RFWD3: variants seen among roughly 807,000 people sequenced by gnomAD.
The protein encoded by RFWD3 is ring finger and WD repeat domain 3.
Under a neutral mutation model 87.7 loss-of-function variants are expected in RFWD3, and 65 were observed. The observed-to-expected ratio is 0.74, with a 90% CI of 0.61 to 0.91. The LOEUF (loss-of-function observed/expected upper bound fraction) is 0.91. Among genes scored for constraint, RFWD3 ranks in the 40% least tolerant of loss-of-function variants. The probability of loss-of-function intolerance (pLI) is 0.00; values close to 1 mark genes in which losing one functional copy is unlikely to be tolerated. For missense variants in RFWD3, 1,078 were observed against 938.5 expected (o/e 1.15, Z -1.94); for synonymous variants, 433 against 352.8 (o/e 1.23, Z -2.55).
chr16:74,635,004 G>C (rs9929931), intron 8 of RFWD3, among the ~76,000 whole-genome samples: 89,240 of 151,876 alleles, frequency 0.59, 27,443 homozygotes, highest in African/African-American at 0.77. Flanking sequence ...GGCATAGCCG[G>C]GCGCGGTGGC....
intron 4 of RFWD3, among the ~76,000 whole-genome samples, chr16:74,648,179 G>C (rs908729406): frequency 6.6e-6 from 1 of 152,010 alleles, no homozygotes; most frequent in Non-Finnish European, 1.5e-5. Flanking sequence ...TTGTTGGCTA[G>C]ACAGGACAGG....
intron 8 of RFWD3, among the ~76,000 whole-genome samples, chr16:74,633,355 A>C (rs1433962545): frequency 6.6e-6 from 1 of 151,908 alleles, no homozygotes; most frequent in Non-Finnish European, 1.5e-5. Context: ...AAGAAAAAAA[A>C]AAAGAAAAAG....
chr16:74,638,107 A>C (rs893295300), intron 6 of RFWD3, 137 bp from the exon 7 acceptor site: 13 of 551,902 alleles, frequency 2.4e-5, no homozygotes, highest in African/African-American at 1.7e-4. Context: ...AAAATATAAA[A>C]AGAGAAAAAT....
At chr16:74,644,007 G>A in intron 6 of RFWD3, 1 of 293,830 alleles carries the variant, frequency 3.4e-6, no homozygotes, top group Non-Finnish European at 6.6e-6. Context: ...CCGAAATCCT[G>A]GTAATTTTTT....
chr16:74,632,411 A>AC (rs1959127320), intron 9 of RFWD3, 112 bp downstream of exon 9: 5 of 1,294,450 alleles, frequency 3.9e-6, no homozygotes, highest in East Asian at 2.4e-5. Context: ...AAACAAAACA[A>AC]AACAACAACA....
Position 74,661,367 on chromosome 16 carries a change from C to T in RFWD3, c.83G>A (p.Ser28Asn), listed in dbSNP as rs1271087746. ...GAGGAGGGCTGGTCCCCCTTGGCTG[C>T]TGGCCATGCCAGCAGGAGCTGGCTG... ...EQQPAPAGMA[S>N]SQGGPALLQP... The change falls in exon 2 of 13, where the codon AGC becomes AAC. Residue 28 changes from serine to asparagine, a missense_variant. Physicochemically the swap from Ser to Asn is conservative, Grantham distance 46. Coordinates refer to ENST00000361070, the MANE Select transcript of RFWD3 (RefSeq NM_018124.4). 1 of 1,614,102 alleles carries T rather than the reference C, an allele frequency of 6.2e-7. No individual in the cohort carries two copies. Among genetic ancestry groups the T allele is most frequent in the Admixed American group, 1.7e-5 (1 of 60,030 alleles).
intron 3 of RFWD3, 38 bp downstream of exon 3, chr16:74,651,882 G>C: frequency 6.3e-7 from 1 of 1,577,834 alleles, no homozygotes; most frequent in Non-Finnish European, 8.7e-7. Context: ...CTTCATGGAT[G>C]TTAGCCTTGT....
chr16:74,630,135 G>A (rs1443971753), intron 10 of RFWD3, among the ~76,000 whole-genome samples: 1 of 151,244 alleles, frequency 6.6e-6, no homozygotes, highest in Non-Finnish European at 1.5e-5. Flanking sequence ...TCACTCTGTT[G>A]CCCAGACTGG....
intron 6 of RFWD3, among the ~76,000 whole-genome samples, chr16:74,638,795 G>A (rs1230000503): frequency 6.6e-6 from 1 of 152,186 alleles, no homozygotes. Flanking sequence ...ACAGTCATGT[G>A]CAGCTTAATG....
chr16:74,652,134 G>A lies in RFWD3; in HGVS notation c.519-12C>T. 1 of 1,610,196 alleles carries A rather than the reference G, an allele frequency of 6.2e-7. No individual in the cohort carries two copies. Among genetic ancestry groups the A allele is most frequent in the Non-Finnish European group, 8.5e-7 (1 of 1,176,860 alleles). The stretch of plus-strand genomic sequence containing the variant: ...ATGGTGCTCTCAACCTATGTACACA[G>A]AAAGACAACGGAATTATAGTACAAT... On this transcript the variant is annotated splice_polypyrimidine_tract_variant and intron_variant, in intron 2 of 12. Transcript: ENST00000361070.
chr16:74,633,769 G>C (rs1959169549), intron 8 of RFWD3, among the ~76,000 whole-genome samples: 1 of 152,044 alleles, frequency 6.6e-6, no homozygotes, highest in Admixed American at 6.6e-5. Context: ...GGGCAATATG[G>C]TGAAACCCTG....
At chr16:74,639,463 GACTGTA>G (rs1280702790) in intron 6 of RFWD3, among the ~76,000 whole-genome samples, 19 of 152,218 alleles carry the variant, frequency 1.2e-4, no homozygotes, top group African/African-American at 4.6e-4. Flanking sequence ...TGCAGCACGT[GACTGTA>G]AAGTAAAAGG....
In RFWD3 at chr16:74,637,892, G is replaced by A. The variant is rs772762155; in HGVS notation, c.1158C>T (p.Leu386=). The A allele has an allele frequency of 6.2e-7, 1 of 1,612,920 alleles. No individual in the cohort carries two copies. The highest frequency in any genetic ancestry group is 8.5e-7 in the Non-Finnish European group (1 of 1,179,798). Reference sequence around the variant, plus strand: ...TTTGAAGCCTAGTGCACTTATCAGTGAGGACCTGCAGTTGGAGTCGGCACT... The same window carrying A: ...TTTGAAGCCTAGTGCACTTATCAGTAAGGACCTGCAGTTGGAGTCGGCACT... ...SAQCRLQLQV[L]TDKCTRLQRR... is the part of the protein sequence containing the mutation. Residue 386 remains leucine (L), a synonymous_variant, in exon 7 of 13, where the codon CTC becomes CTT. Coordinates refer to ENST00000361070, the MANE Select transcript of RFWD3 (RefSeq NM_018124.4).
At position 74,630,939 on chromosome 16, in the gene RFWD3, C is replaced by T. The variant is rs766549483; in HGVS notation, c.1596G>A (p.Val532=). 5.6e-6 allele frequency: 9 copies of T among 1,610,352 alleles called. No individual in the cohort carries two copies. The highest frequency in any genetic ancestry group is 1.7e-4 in the Middle Eastern group (1 of 6,052). ...GACGTCCAGCATTATAAGTCTGGAC[C>T]ACGGTATTTGTCTCCAGGCTGTGGA... ...IKLTSLETNT[V]VQTYNAGRPV... The change falls in exon 10 of 13, where the codon GTG becomes GTA. Residue 532 remains valine (V), a synonymous_variant. Transcript: ENST00000361070.
At position 74,628,645 on chromosome 16, in the gene RFWD3, T is replaced by C. The variant is rs779878514; in HGVS notation, c.1776A>G (p.Ser592=). The change falls in exon 11 of 13, where the codon TCA becomes TCG. Residue 592 remains serine, a synonymous_variant. Coordinates refer to ENST00000361070, the MANE Select transcript of RFWD3 (RefSeq NM_018124.4). The stretch of plus-strand genomic sequence containing the variant: ...CAGCTGAGGCAGCTCTGGGCATGTA[T>C]GACAGGGAGACCAGTGGGCATCTGA... ...QKARCPLVSL[S]YMPRAASAAF... is the part of the protein sequence containing the mutation. 1 of 1,614,158 alleles carries C rather than the reference T, an allele frequency of 6.2e-7. No individual in the cohort carries two copies. Among genetic ancestry groups the C allele is most frequent in the Non-Finnish European group, 8.5e-7 (1 of 1,180,048 alleles).
chr16:74,629,830 C>G (rs182813060), intron 10 of RFWD3, among the ~76,000 whole-genome samples: 94 of 152,188 alleles, frequency 6.2e-4, no homozygotes, highest in Non-Finnish European at 1.0e-3. Context: ...AGATTTTGGC[C>G]AGGTCACAGA....
chr16:74,654,999 C>T (rs1960849989), intron 2 of RFWD3, among the ~76,000 whole-genome samples: 1 of 152,214 alleles, frequency 6.6e-6, no homozygotes, highest in South Asian at 2.1e-4. Flanking sequence ...CCATAAAGTG[C>T]ATGAAGCAGC....
chr16:74,631,010 A>G, intron 9 of RFWD3, 53 bp from the exon 10 acceptor site: 1 of 1,447,716 alleles, frequency 6.9e-7, no homozygotes, highest in Non-Finnish European at 9.5e-7. Context: ...CAAATACATG[A>G]CAAAGATGTA....
chr16:74,628,589 G>T lies in RFWD3; in HGVS notation c.1832C>A (p.Thr611Asn). 1 of 1,614,154 alleles carries T rather than the reference G, an allele frequency of 6.2e-7. No homozygotes were observed. Among genetic ancestry groups the T allele is most frequent in the African/African-American group, 1.3e-5 (1 of 75,032 alleles). Residue 611 changes from threonine to asparagine, a missense_variant, in exon 11 of 13, where the codon ACC becomes AAC. Thr to Asn is a moderately conservative substitution (Grantham distance 65). Transcript: ENST00000361070. ...TTCCCAGAATGAAGCATCCTCCAAG[G>T]TTCCAGCCAGCACCCCACCATATGG... ...AFPYGGVLAG[T>N]LEDASFWEQK...
Sources: allele counts gnomAD v4.1 joint callset (sites outside exome capture counted in the v4.1 genomes callset), GRCh38; gene constraint gnomAD v4.1.1; transcripts MANE v1.5; gene names NCBI Gene and HGNC (gene_info 2026-07-23, HGNC 2026-07-21).